Variants in WWC1 observed in about 807,000 individuals in gnomAD.
WWC1 encodes protein KIBRA.
WWC1 carries 55 observed loss-of-function variants against 138.4 expected under a neutral mutation model. The observed-to-expected ratio is 0.40, with a 90% CI of 0.32 to 0.50. The LOEUF (loss-of-function observed/expected upper bound fraction) is 0.50, where lower values mean the gene tolerates loss of function less well. WWC1 is among the 20% of genes least tolerant of loss of function. The pLI is 0.72. For missense variants in WWC1, 1,226 were observed against 1,420.4 expected (o/e 0.86, Z 2.20); for synonymous variants, 524 against 564.9 (o/e 0.93, Z 1.03).
At chr5:168,326,027 T>G (rs938498421) in intron 1 of WWC1, among the ~76,000 whole-genome samples, 3 of 152,218 alleles carry the variant, frequency 2.0e-5, no homozygotes, top group Non-Finnish European at 4.4e-5. Context: ...CCTTGTATGT[T>G]GATATCACAT....
In WWC1 at chr5:168,441,673, C is replaced by A. The variant is rs1336838421; in HGVS notation, c.2281-9C>A. 1 of 1,613,020 alleles carries A rather than the reference C, an allele frequency of 6.2e-7. No individual in the cohort carries two copies. Among genetic ancestry groups the A allele is most frequent in the South Asian group, 1.1e-5 (1 of 90,814 alleles). On this transcript the variant is annotated splice_polypyrimidine_tract_variant and intron_variant, in intron 15 of 22. Transcript: ENST00000265293. The stretch of plus-strand genomic sequence containing the variant: ...CCACTTATGTTCTCCTTGTTTCCAT[C>A]CCCAACAGGGAGGCGCCCAGATCAG...
At position 168,292,212 on chromosome 5, in the gene WWC1, C is replaced by T; in HGVS notation, c.60C>T (p.Gly20=). 6.4e-7 allele frequency: 1 copy of T among 1,574,762 alleles called. No individual in the cohort carries two copies. Among genetic ancestry groups the T allele is most frequent in the Non-Finnish European group, 8.6e-7 (1 of 1,160,632 alleles). The change falls in exon 1 of 23, where the codon GGC becomes GGT. Residue 20 remains glycine, a synonymous_variant. Coordinates refer to ENST00000265293, the MANE Select transcript of WWC1 (RefSeq NM_015238.3). The surrounding 1 kb of genome is among the most constrained non-coding windows in gnomAD (Gnocchi z 4.4). ...EGWEEARDFD[G]KVYYIDHTNR... ...GGGAGGAGGCGCGCGACTTCGACGG[C>T]AAGGTCTACTACATAGACCACACGA...
Position 168,295,358 on chromosome 5 carries a change from G to A in WWC1, c.119+3087G>A, listed in dbSNP as rs113179968. 3.4e-3 allele frequency among the ~76,000 whole-genome samples: 511 copies of A among 152,064 alleles called. 3 individuals are homozygous for A. Among genetic ancestry groups the A allele is most frequent in the Non-Finnish European group, 6.1e-3 (413 of 67,992 alleles). ...AAAAAGGAAGAAGAAATTTAACAAA[G>A]CTGAAAAGAGCCAAACTTATTCCGG... On this transcript the variant is annotated intron_variant, in intron 1 of 22. Coordinates refer to ENST00000265293, the MANE Select transcript of WWC1 (RefSeq NM_015238.3).
At chr5:168,436,895 T>C (rs78127070) in intron 15 of WWC1, among the ~76,000 whole-genome samples, 5,129 of 152,250 alleles carry the variant, frequency 0.034, 290 homozygotes, top group African/African-American at 0.12. Context: ...ACTAATCCTG[T>C]TTAAATGTAA....
At chr5:168,392,510 G>A (rs1778581022) in intron 3 of WWC1, among the ~76,000 whole-genome samples, 1 of 151,976 alleles carries the variant, frequency 6.6e-6, no homozygotes, top group South Asian at 2.1e-4. Flanking sequence ...AACATAGTAA[G>A]ACCCCAACTC....
chr5:168,423,439 T>G, intron 10 of WWC1, 94 bp from the exon 11 acceptor site: 92 of 1,382,196 alleles, frequency 6.7e-5, no homozygotes, highest in Non-Finnish European at 8.2e-5. Context: ...GCAAGTCTAG[T>G]GAGATCATGG....
intron 17 of WWC1, among the ~76,000 whole-genome samples, chr5:168,451,071 C>T (rs375026170): frequency 0.018 from 1,361 of 74,824 alleles, 15 homozygotes; most frequent in African/African-American, 0.043. Context: ...GCTGCGATCT[C>T]GGCTCACTGC....
chr5:168,466,186 T>C (rs1047864268), intron 21 of WWC1, among the ~76,000 whole-genome samples: 10 of 152,132 alleles, frequency 6.6e-5, no homozygotes, highest in African/African-American at 2.4e-4. Context: ...TTGAGCTATA[T>C]TTAAAACAAC....
At chr5:168,372,022 C>CGA (rs10602598) in intron 2 of WWC1, among the ~76,000 whole-genome samples, 2,131 of 145,778 alleles carry the variant, frequency 0.015, 48 homozygotes, top group African/African-American at 0.048. Flanking sequence ...AGTGAATTGG[C>CGA]GAGAGAGAGA....
intron 1 of WWC1, among the ~76,000 whole-genome samples, chr5:168,321,093 C>A (rs1367599247): frequency 1.3e-5 from 2 of 152,162 alleles, no homozygotes; most frequent in Non-Finnish European, 2.9e-5. Flanking sequence ...AGGCCTGCGT[C>A]CCCTGAGTCT....
At chr5:168,376,102 G>A (rs568804404) in intron 2 of WWC1, among the ~76,000 whole-genome samples, 5 of 149,596 alleles carry the variant, frequency 3.3e-5, no homozygotes, top group South Asian at 4.2e-4. Context: ...TCCCCAGGCT[G>A]TAGTGCAGTG....
chr5:168,420,608 A>C (rs1781017164), intron 9 of WWC1, among the ~76,000 whole-genome samples: 1 of 151,504 alleles, frequency 6.6e-6, no homozygotes, highest in African/African-American at 2.4e-5. Flanking sequence ...CCTGTTCAGT[A>C]TTCATACCCA....
chr5:168,388,595 C>T (rs111519738), intron 3 of WWC1, among the ~76,000 whole-genome samples: 1,821 of 151,998 alleles, frequency 0.012, 17 homozygotes, highest in Non-Finnish European at 0.019. Flanking sequence ...TTTGGGAGGC[C>T]GAGGTAGGTG....
intron 1 of WWC1, among the ~76,000 whole-genome samples, chr5:168,368,649 G>A (rs549650114): frequency 8.5e-5 from 13 of 152,308 alleles, no homozygotes; most frequent in African/African-American, 2.9e-4. Context: ...CCCCATGGAA[G>A]GCATACCTGC....
At chr5:168,432,254 G>T (rs548893216) in intron 15 of WWC1, among the ~76,000 whole-genome samples, 1 of 152,104 alleles carries the variant, frequency 6.6e-6, no homozygotes, top group East Asian at 1.9e-4. Context: ...GATAGCACCC[G>T]TAAAACACCT....
At chr5:168,426,665 G>A (rs1246617195) in intron 11 of WWC1, among the ~76,000 whole-genome samples, 1 of 152,232 alleles carries the variant, frequency 6.6e-6, no homozygotes, top group African/African-American at 2.4e-5. Context: ...GGCTCAGCAG[G>A]CATGGGACGC....
chr5:168,380,305 A>G (rs1321310011), intron 2 of WWC1, among the ~76,000 whole-genome samples: 2 of 152,048 alleles, frequency 1.3e-5, no homozygotes, highest in Admixed American at 6.6e-5. Context: ...ATCTCTACAA[A>G]AATAAAAATA....
intron 1 of WWC1, among the ~76,000 whole-genome samples, chr5:168,304,213 C>T (rs1415738073): frequency 1.3e-5 from 2 of 152,118 alleles, no homozygotes; most frequent in African/African-American, 2.4e-5. Flanking sequence ...CTGCTCAATT[C>T]GTTTATTTTG....
At chr5:168,352,659 C>T (rs1410968572) in intron 1 of WWC1, among the ~76,000 whole-genome samples, 4 of 151,628 alleles carry the variant, frequency 2.6e-5, no homozygotes, top group East Asian at 3.9e-4. Context: ...TCTCGGCTCG[C>T]TGCAACCTCT....
Sources: allele counts gnomAD v4.1 joint callset (sites outside exome capture counted in the v4.1 genomes callset), GRCh38; gene constraint gnomAD v4.1.1; non-coding constraint Gnocchi (gnomAD v3.1); transcripts MANE v1.5; gene names NCBI Gene and HGNC (gene_info 2026-07-23, HGNC 2026-07-21).